RABGAP1L: variants seen among roughly 807,000 people sequenced by gnomAD.
The protein encoded by RABGAP1L is rab GTPase-activating protein 1-like.
In RABGAP1L, 63 loss-of-function variants were observed where a neutral mutation model predicts 137.7. That is an observed-to-expected ratio of 0.46 (90% confidence interval 0.37 to 0.56). The LOEUF is 0.56. Among genes scored for constraint, RABGAP1L ranks in the 20% least tolerant of loss-of-function variants. RABGAP1L has a pLI of 0.00. For synonymous variants in RABGAP1L, 431 were observed against 433.7 expected, an observed-to-expected ratio of 0.99 and a Z score of 0.08; for missense variants, 1,095 against 1,244.0, an observed-to-expected ratio of 0.88 and a Z score of 1.80.
chr1:174,845,999 C>G (rs1164712282), intron 19 of RABGAP1L, among the ~76,000 whole-genome samples: 42 of 144,730 alleles, frequency 2.9e-4, no homozygotes, highest in Non-Finnish European at 4.7e-4. Flanking sequence ...TCTAGATTTT[C>G]TAGTTTATTT....
chr1:174,509,776 C>T (rs1402360604), intron 13 of RABGAP1L, among the ~76,000 whole-genome samples: 1 of 152,192 alleles, frequency 6.6e-6, no homozygotes. Context: ...ATTCTCTAGT[C>T]CATCTAATCA....
intron 23 of RABGAP1L, 68 bp from the exon 24 acceptor site, chr1:174,982,766 A>G: frequency 7.1e-7 from 1 of 1,414,104 alleles, no homozygotes; most frequent in East Asian, 2.5e-5. Flanking sequence ...TGAATTGATA[A>G]GTAGTTATGT....
intron 19 of RABGAP1L, among the ~76,000 whole-genome samples, chr1:174,912,291 G>T (rs1452513191): frequency 6.6e-6 from 1 of 152,060 alleles, no homozygotes; most frequent in African/African-American, 2.4e-5. Context: ...ACCAGTGCAT[G>T]CCACCATGCC....
At chr1:174,510,002 C>T (rs564780733) in intron 13 of RABGAP1L, among the ~76,000 whole-genome samples, 1 of 152,300 alleles carries the variant, frequency 6.6e-6, no homozygotes, top group South Asian at 2.1e-4. Flanking sequence ...TGCTCTTGAT[C>T]TTCACGTGCT....
At chr1:174,830,239 C>T (rs1691970630) in intron 19 of RABGAP1L, among the ~76,000 whole-genome samples, 1 of 146,332 alleles carries the variant, frequency 6.8e-6, no homozygotes, top group Admixed American at 6.8e-5. Flanking sequence ...ATTCCTGTAA[C>T]AATCTGCCAC....
chr1:174,665,838 A>G (rs564984855), intron 14 of RABGAP1L, among the ~76,000 whole-genome samples: 5 of 152,366 alleles, frequency 3.3e-5, no homozygotes, highest in African/African-American at 1.2e-4. Flanking sequence ...TTATTAAATA[A>G]ATTAATATAT....
chr1:174,585,744 G>A (rs1274675384), intron 13 of RABGAP1L, among the ~76,000 whole-genome samples: 5 of 152,174 alleles, frequency 3.3e-5, no homozygotes, highest in African/African-American at 9.7e-5. Flanking sequence ...TGGAGTGGTG[G>A]CATGGCAAGT....
chr1:174,168,006 T>A (rs952364762), intron 1 of RABGAP1L, among the ~76,000 whole-genome samples: 4 of 152,176 alleles, frequency 2.6e-5, no homozygotes, highest in African/African-American at 9.7e-5. Flanking sequence ...GGCCCACACC[T>A]GTAATCCCAG....
chr1:174,246,085 T>C (rs1183879340), intron 5 of RABGAP1L: 1 of 152,204 alleles, frequency 6.6e-6, no homozygotes, highest in Non-Finnish European at 1.5e-5. Context: ...GTTTGGACTT[T>C]TAAGATGTAA....
chr1:174,649,268 A>G (rs748390955), intron 14 of RABGAP1L, among the ~76,000 whole-genome samples: 1 of 152,062 alleles, frequency 6.6e-6, no homozygotes, highest in Non-Finnish European at 1.5e-5. Context: ...TCTTTTGCCC[A>G]TTAGTTAATG....
chr1:174,621,238 T>C (rs868378900), intron 13 of RABGAP1L, among the ~76,000 whole-genome samples: 3 of 152,192 alleles, frequency 2.0e-5, no homozygotes, highest in African/African-American at 4.8e-5. Flanking sequence ...TCCATGCTCA[T>C]GGGTAGGAAG....
intron 10 of RABGAP1L, among the ~76,000 whole-genome samples, chr1:174,289,669 C>T (rs1220775062): frequency 6.6e-6 from 1 of 152,182 alleles, no homozygotes. Context: ...GCCTGGGCTT[C>T]TGGTTGGGCC....
chr1:174,305,775 A>T lies in RABGAP1L; in HGVS notation c.1465+648A>T, dbSNP rs544019952. Among the ~76,000 whole-genome samples, 22 of 151,018 alleles carry T rather than the reference A, an allele frequency of 1.5e-4. No homozygotes were observed. The South Asian group carries it at 2.3e-3, about 16-fold the overall frequency. On this transcript the variant is annotated intron_variant, in intron 11 of 25. Coordinates refer to ENST00000681986, the MANE Select transcript of RABGAP1L (RefSeq NM_001366446.1). The stretch of plus-strand genomic sequence containing the variant: ...TTTTATTCTTTGCATATATATATAT[A>T]TTTTTAATACTTTAAGTTCTAGGGT...
intron 1 of RABGAP1L, among the ~76,000 whole-genome samples, chr1:174,168,291 T>G (rs1367483608): frequency 7.4e-6 from 1 of 134,744 alleles, no homozygotes; most frequent in African/African-American, 2.8e-5. Flanking sequence ...AAAAAAAAAA[T>G]TGAATAGAGT....
intron 19 of RABGAP1L, among the ~76,000 whole-genome samples, chr1:174,835,494 A>T (rs1692643181): frequency 6.6e-6 from 1 of 152,220 alleles, no homozygotes. Context: ...ATTTAAATTC[A>T]CATTCCTGGG....
chr1:174,586,889 C>G (rs1407716525), intron 13 of RABGAP1L, among the ~76,000 whole-genome samples: 2 of 152,140 alleles, frequency 1.3e-5, no homozygotes, highest in African/African-American at 4.8e-5. Flanking sequence ...AGCCACTGTG[C>G]CTGGCCAAAT....
At chr1:174,589,988 T>G (rs1669439715) in intron 13 of RABGAP1L, among the ~76,000 whole-genome samples, 2 of 152,132 alleles carry the variant, frequency 1.3e-5, no homozygotes, top group African/African-American at 2.4e-5. Flanking sequence ...TATTTATATT[T>G]CTGTGAAGAA....
chr1:174,358,005 C>T (rs1168053629), intron 11 of RABGAP1L, among the ~76,000 whole-genome samples: 4 of 152,180 alleles, frequency 2.6e-5, no homozygotes, highest in Non-Finnish European at 5.9e-5. Context: ...AACTGAAGCA[C>T]AGAGAGGTTA....
chr1:174,220,947 C>A, intron 2 of RABGAP1L, 25 bp from the exon 3 acceptor site: 2 of 1,514,512 alleles, frequency 1.3e-6, no homozygotes, highest in South Asian at 1.4e-5. Context: ...AGAATTGAAA[C>A]AGAATTGTCT....
Sources: allele counts gnomAD v4.1 joint callset (sites outside exome capture counted in the v4.1 genomes callset), GRCh38; gene constraint gnomAD v4.1.1; transcripts MANE v1.5; gene names NCBI Gene and HGNC (gene_info 2026-07-23, HGNC 2026-07-21).